Variants in HPSE2 observed in about 807,000 individuals in gnomAD.
HPSE2 encodes the protein heparanase 2 (inactive).
A neutral mutation model predicts 60.5 loss-of-function variants in HPSE2; 38 were observed. That is an observed-to-expected ratio of 0.63 (90% CI 0.48 to 0.82). The LOEUF (loss-of-function observed/expected upper bound fraction) is 0.82, where lower values mean the gene tolerates loss of function less well. Among genes scored for constraint, HPSE2 ranks in the 40% least tolerant of loss-of-function variants. The probability of loss-of-function intolerance (pLI) is 0.00; values close to 1 mark genes in which losing one functional copy is unlikely to be tolerated. For missense variants in HPSE2, 713 were observed against 740.4 expected (o/e 0.96, Z 0.43); for synonymous variants, 295 against 293.2 (o/e 1.01, Z -0.06).
chr10:98,602,918 C>G (rs1404054291), intron 9 of HPSE2, among the ~76,000 whole-genome samples: 2 of 151,888 alleles, frequency 1.3e-5, no homozygotes, highest in African/African-American at 2.4e-5. Flanking sequence ...TACAAATGAC[C>G]AAAAAATAGA....
the HPSE2 span, among the ~76,000 whole-genome samples, chr10:99,258,217 A>C: frequency 6.6e-6 from 1 of 152,134 alleles, no homozygotes. Context: ...GACAAATAAT[A>C]AAGAATTGAA....
chr10:98,999,227 C>A (rs1956722639), intron 3 of HPSE2, among the ~76,000 whole-genome samples: 1 of 149,330 alleles, frequency 6.7e-6, no homozygotes, highest in Admixed American at 6.7e-5. Flanking sequence ...AAAGAGAGAT[C>A]AGAAGGAGCT....
the HPSE2 span, among the ~76,000 whole-genome samples, chr10:99,296,408 C>A: frequency 1.3e-5 from 2 of 152,178 alleles, no homozygotes; most frequent in Non-Finnish European, 2.9e-5. Flanking sequence ...AGAGTTACTG[C>A]CCCTTTCTGC....
At chr10:98,909,154 C>G (rs779559199) in intron 3 of HPSE2, among the ~76,000 whole-genome samples, 2 of 152,100 alleles carry the variant, frequency 1.3e-5, no homozygotes, top group Admixed American at 6.5e-5. Flanking sequence ...ACAGGAAAGG[C>G]CTTATCTGCA....
At chr10:98,886,702 G>A (rs147689970) in intron 3 of HPSE2, among the ~76,000 whole-genome samples, 7 of 152,182 alleles carry the variant, frequency 4.6e-5, no homozygotes, top group Non-Finnish European at 1.0e-4. Context: ...TGGACTGATT[G>A]GTAAGCTAAT....
chr10:99,254,094 C>T, the HPSE2 span, among the ~76,000 whole-genome samples: 1 of 152,108 alleles, frequency 6.6e-6, no homozygotes, highest in Non-Finnish European at 1.5e-5. Context: ...ATCATTCTAC[C>T]AAAAAGACAT....
Position 99,184,786 on chromosome 10 carries a change from TTATATATATA to T in HPSE2, c.449-40397_449-40388del, listed in dbSNP as rs1191226144. 2.8e-3 allele frequency among the ~76,000 whole-genome samples: 71 copies of T among 25,276 alleles called. 1 individual carries two copies. The highest frequency in any genetic ancestry group is 9.0e-3 in the African/African-American group (64 of 7,088). 16.6% of individuals were successfully genotyped at this position (25,276 alleles called of 152,430 possible). ...GATGTGGCAACAGAACTATCCAAAATTATATATATATATATATATATATATATATATATAG... is the reference window on the plus strand; with the variant it reads ...GATGTGGCAACAGAACTATCCAAAATTATATATATATATATATATATATAG... On this transcript the variant is annotated intron_variant, in intron 2 of 11. Transcript: ENST00000370552.
At chr10:98,998,909 T>A (rs1276493895) in intron 3 of HPSE2, among the ~76,000 whole-genome samples, 4 of 152,160 alleles carry the variant, frequency 2.6e-5, no homozygotes, top group Non-Finnish European at 5.9e-5. Context: ...ATGTTATTAT[T>A]CCCCTTCAAT....
At chr10:98,899,985 G>A (rs941297970) in intron 3 of HPSE2, among the ~76,000 whole-genome samples, 2 of 152,046 alleles carry the variant, frequency 1.3e-5, no homozygotes, top group Non-Finnish European at 2.9e-5. Context: ...GTTTCTTCAT[G>A]TTGGCCAGGC....
chr10:99,159,106 C>T (rs1419879366), intron 2 of HPSE2, among the ~76,000 whole-genome samples: 1 of 150,560 alleles, frequency 6.6e-6, no homozygotes, highest in Non-Finnish European at 1.5e-5. Flanking sequence ...CACTTACAAA[C>T]TAGAAAAATA....
chr10:98,848,324 A>G (rs1265974105), intron 3 of HPSE2, among the ~76,000 whole-genome samples: 7 of 152,156 alleles, frequency 4.6e-5, no homozygotes, highest in Non-Finnish European at 1.0e-4. Context: ...AAGCTGAGGC[A>G]GGAGAATCGC....
the HPSE2 span, among the ~76,000 whole-genome samples, chr10:99,312,138 A>G: frequency 6.6e-6 from 1 of 152,384 alleles, no homozygotes; most frequent in South Asian, 2.1e-4. Context: ...ATAACATAAA[A>G]TTACAAGATG....
chr10:98,505,357 A>G (rs1269461983), intron 9 of HPSE2, among the ~76,000 whole-genome samples: 1 of 152,214 alleles, frequency 6.6e-6, no homozygotes, highest in Non-Finnish European at 1.5e-5. Flanking sequence ...TCTGATGCTC[A>G]TTAAAGTTTA....
intron 3 of HPSE2, among the ~76,000 whole-genome samples, chr10:99,043,852 AG>A (rs1245691532): frequency 6.6e-6 from 1 of 152,196 alleles, no homozygotes; most frequent in Non-Finnish European, 1.5e-5. Context: ...AAAAACTCCA[AG>A]AAATATGAGA....
intron 3 of HPSE2, among the ~76,000 whole-genome samples, chr10:98,755,403 G>A (rs1051565670): frequency 6.6e-6 from 1 of 152,082 alleles, no homozygotes; most frequent in Non-Finnish European, 1.5e-5. Context: ...AAGAGATTTA[G>A]ATACCCACAC....
chr10:99,243,598 T>A, the HPSE2 span, among the ~76,000 whole-genome samples: 1 of 152,206 alleles, frequency 6.6e-6, no homozygotes, highest in Non-Finnish European at 1.5e-5. Context: ...TATTAATCAA[T>A]CTTAAAGATA....
intron 3 of HPSE2, among the ~76,000 whole-genome samples, chr10:98,887,706 C>T (rs1953205432): frequency 6.6e-6 from 1 of 151,854 alleles, no homozygotes; most frequent in African/African-American, 2.4e-5. Flanking sequence ...AAAGGGACAG[C>T]CTACCAAAGG....
chr10:99,027,379 T>C (rs971330079), intron 3 of HPSE2, among the ~76,000 whole-genome samples: 1 of 150,860 alleles, frequency 6.6e-6, no homozygotes, highest in Non-Finnish European at 1.5e-5. Context: ...ACTGGACAAA[T>C]TCCTAGACAC....
chr10:98,491,578 T>C (rs1435132151), intron 9 of HPSE2, among the ~76,000 whole-genome samples: 2 of 152,234 alleles, frequency 1.3e-5, no homozygotes, highest in African/African-American at 4.8e-5. Flanking sequence ...ATTTGCAATG[T>C]ACTTTCTTTT....
Sources: gnomAD v4.1 joint callset for allele counts (sites outside exome capture counted in the v4.1 genomes callset) on GRCh38, gnomAD v4.1.1 for gene constraint, MANE v1.5 for transcripts, NCBI Gene and HGNC (gene_info 2026-07-23, HGNC 2026-07-21) for gene names.